The following BACH2 variants were observed in gnomAD, a reference collection of about 807,000 sequenced individuals.
The protein encoded by BACH2 is BACH transcriptional regulator 2.
Under a neutral mutation model 61.8 loss-of-function variants are expected in BACH2, and 5 were observed. The observed-to-expected ratio is 0.08, with a 90% CI of 0.04 to 0.17. The LOEUF is 0.17. BACH2 is among the 10% of genes least tolerant of loss of function. The pLI is 1.00. For missense variants in BACH2, 824 were observed against 1,091.1 expected (o/e 0.76, Z 3.45); for synonymous variants, 446 against 440.1 (o/e 1.01, Z -0.17).
intron 6 of BACH2, among the ~76,000 whole-genome samples, chr6:89,964,319 G>C (rs529795450): frequency 2.0e-5 from 3 of 151,960 alleles, no homozygotes; most frequent in East Asian, 1.9e-4. Context: ...TGAGTACAGA[G>C]TTTTGGATTT....
intron 8 of BACH2, among the ~76,000 whole-genome samples, chr6:89,934,414 C>T (rs1772878843): frequency 6.6e-6 from 1 of 152,098 alleles, no homozygotes; most frequent in Admixed American, 6.6e-5. Context: ...AATCCCAGCA[C>T]TTTGCGGCTG....
chr6:90,296,027 G>T (rs1772358908), intron 1 of BACH2, among the ~76,000 whole-genome samples: 1 of 152,188 alleles, frequency 6.6e-6, no homozygotes, highest in Admixed American at 6.5e-5. Flanking sequence ...TGGGATCGCA[G>T]GCTGGGGGCC....
chr6:89,948,278 C>T (rs1773866622), intron 7 of BACH2, among the ~76,000 whole-genome samples: 1 of 152,144 alleles, frequency 6.6e-6, no homozygotes, highest in Admixed American at 6.5e-5. Context: ...ACCATCTCAG[C>T]TCACTGCAAC....
chr6:90,185,827 T>C (rs964341225), intron 4 of BACH2, among the ~76,000 whole-genome samples: 1 of 152,214 alleles, frequency 6.6e-6, no homozygotes, highest in African/African-American at 2.4e-5. Flanking sequence ...CTGTGTCTAA[T>C]TCTGTGCAAT....
At chr6:90,188,167 C>A (rs1768426535) in intron 4 of BACH2, among the ~76,000 whole-genome samples, 1 of 152,182 alleles carries the variant, frequency 6.6e-6, no homozygotes. Context: ...AGACCAGCAG[C>A]CAGCTGTTTG....
chr6:90,286,114 A>G (rs1371536909), intron 1 of BACH2, among the ~76,000 whole-genome samples: 1 of 152,236 alleles, frequency 6.6e-6, no homozygotes, highest in Non-Finnish European at 1.5e-5. Flanking sequence ...AGTTAATTTT[A>G]ACTGGTTTTA....
chr6:90,257,339 C>A (rs1771011557), intron 2 of BACH2, among the ~76,000 whole-genome samples: 1 of 152,202 alleles, frequency 6.6e-6, no homozygotes, highest in South Asian at 2.1e-4. Flanking sequence ...AATCTACATT[C>A]CCACCAACAG....
intron 6 of BACH2, among the ~76,000 whole-genome samples, chr6:89,974,674 C>T (rs1447499860): frequency 1.3e-5 from 2 of 152,282 alleles, no homozygotes; most frequent in Non-Finnish European, 1.5e-5. Context: ...TCTGGCCTCG[C>T]TAATAAATCC....
intron 3 of BACH2, among the ~76,000 whole-genome samples, chr6:90,231,548 T>G (rs1258246728): frequency 6.6e-6 from 1 of 152,220 alleles, no homozygotes; most frequent in Admixed American, 6.5e-5. Context: ...CAAAGCAACT[T>G]TCTGATGAGT....
chr6:90,100,708 C>CACACACAG (rs1554245807), intron 4 of BACH2, among the ~76,000 whole-genome samples: 45 of 143,212 alleles, frequency 3.1e-4, no homozygotes, highest in Non-Finnish European at 4.9e-4. Flanking sequence ...CACAGACACA[C>CACACACAG]ACACACACAC....
chr6:90,228,439 A>C (rs537342488), intron 3 of BACH2, among the ~76,000 whole-genome samples: 5 of 152,374 alleles, frequency 3.3e-5, no homozygotes, highest in Non-Finnish European at 7.3e-5. Flanking sequence ...AACATGTATT[A>C]AAATCATAAA....
intron 6 of BACH2, among the ~76,000 whole-genome samples, chr6:90,000,495 G>C (rs11756955): frequency 6.6e-6 from 1 of 152,156 alleles, no homozygotes; most frequent in Admixed American, 6.5e-5. Context: ...TTTCATCAGA[G>C]AAGACTGTTC....
At chr6:90,273,036 A>C (rs1193096932) in intron 1 of BACH2, among the ~76,000 whole-genome samples, 1 of 152,166 alleles carries the variant, frequency 6.6e-6, no homozygotes, top group Non-Finnish European at 1.5e-5. Context: ...ACAGTTCCAC[A>C]ACTTAACTGC....
intron 5 of BACH2, among the ~76,000 whole-genome samples, chr6:90,040,194 A>T (rs1779466399): frequency 6.6e-6 from 1 of 151,912 alleles, no homozygotes; most frequent in Non-Finnish European, 1.5e-5. Flanking sequence ...TCCTTTTAGA[A>T]CTTTTACGGT....
At chr6:90,113,628 A>G (rs890828167) in intron 4 of BACH2, among the ~76,000 whole-genome samples, 11 of 152,014 alleles carry the variant, frequency 7.2e-5, no homozygotes, top group African/African-American at 2.2e-4. Flanking sequence ...GTTCACATCA[A>G]AAAGTTAGAA....
intron 7 of BACH2, among the ~76,000 whole-genome samples, chr6:89,942,344 C>G (rs951126828): frequency 6.6e-6 from 1 of 152,224 alleles, no homozygotes; most frequent in Non-Finnish European, 1.5e-5. Flanking sequence ...GCACTCAAAA[C>G]ATTCCTCAAA....
At chr6:90,075,882 G>A (rs1781452465) in intron 5 of BACH2, among the ~76,000 whole-genome samples, 3 of 152,082 alleles carry the variant, frequency 2.0e-5, no homozygotes, top group Non-Finnish European at 4.4e-5. Flanking sequence ...AGAGCACCTG[G>A]TATTGGCTTT....
intron 1 of BACH2, among the ~76,000 whole-genome samples, chr6:90,277,531 A>G (rs1348961796): frequency 1.3e-5 from 2 of 152,204 alleles, no homozygotes; most frequent in Non-Finnish European, 2.9e-5. Flanking sequence ...GGCGCTGATA[A>G]TGCTGTGTCT....
intron 3 of BACH2, among the ~76,000 whole-genome samples, chr6:90,209,338 T>C (rs1035077748): frequency 3.7e-4 from 56 of 152,224 alleles, no homozygotes; most frequent in African/African-American, 1.3e-3. Context: ...TGGGTAATCA[T>C]GGCTTCAAAG....
Sources: gnomAD v4.1 joint callset for allele counts (sites outside exome capture counted in the v4.1 genomes callset) on GRCh38, gnomAD v4.1.1 for gene constraint, MANE v1.5 for transcripts, NCBI Gene and HGNC (gene_info 2026-07-23, HGNC 2026-07-21) for gene names.